The following LRRK2 variants were observed in gnomAD, a reference collection of about 807,000 sequenced individuals.
The protein encoded by LRRK2 is leucine rich repeat kinase 2.
Under a neutral mutation model 302.6 loss-of-function variants are expected in LRRK2, and 203 were observed. The observed-to-expected ratio is 0.67, with a 90% CI of 0.60 to 0.75. The LOEUF (loss-of-function observed/expected upper bound fraction) is 0.75, where lower values mean the gene tolerates loss of function less well. Ranked by LOEUF, LRRK2 falls within the 30% of genes least tolerant of loss-of-function variation. The pLI is 0.00. For missense variants in LRRK2, 2,830 were observed against 2,951.0 expected (o/e 0.96, Z 0.95); for synonymous variants, 1,066 against 1,031.9 (o/e 1.03, Z -0.63).
At chr12:40,315,330 G>A (rs760996678) in intron 33 of LRRK2, 30 bp downstream of exon 33, 6 of 1,553,602 alleles carry the variant, frequency 3.9e-6, no homozygotes, top group Admixed American at 1.7e-5. Context: ...GTGGCACGGG[G>A]GTTATGGTCA....
intron 14 of LRRK2, among the ~76,000 whole-genome samples, chr12:40,272,385 C>T (rs985159810): frequency 2.0e-5 from 3 of 152,206 alleles, no homozygotes; most frequent in Non-Finnish European, 4.4e-5. Flanking sequence ...TGTGCTTTGA[C>T]TTGTGTGCTC....
chr12:40,287,171 T>TA (rs934238934), intron 19 of LRRK2, among the ~76,000 whole-genome samples, 180 bp from the exon 20 acceptor site: 2 of 151,984 alleles, frequency 1.3e-5, no homozygotes, highest in African/African-American at 2.4e-5. Context: ...TATGTTTTTT[T>TA]AAAAAATATA....
intron 4 of LRRK2, among the ~76,000 whole-genome samples, chr12:40,236,567 A>T (rs1941476261): frequency 6.6e-6 from 1 of 152,120 alleles, no homozygotes; most frequent in Admixed American, 6.5e-5. Context: ...AAGGGCTGGG[A>T]GGAGTTTCCT....
chr12:40,295,061 T>C, intron 22 of LRRK2, 147 bp downstream of exon 22: 1 of 599,862 alleles, frequency 1.7e-6, no homozygotes, highest in Non-Finnish European at 3.0e-6. Context: ...ATTCCTTCCA[T>C]AAGCTATAGA....
chr12:40,306,065 A>T (rs1944812951), intron 28 of LRRK2, 99 bp downstream of exon 28: 1 of 903,894 alleles, frequency 1.1e-6, no homozygotes, highest in Admixed American at 2.6e-5. Flanking sequence ...TTAGGGAAAA[A>T]TAAATAGTAA....
At position 40,320,056 on chromosome 12, in the gene LRRK2, AAAATTTCTTTCAAAAAAAAGG is replaced by A; in HGVS notation, c.4904_4924del (p.Leu1635_Phe1641del). 3 of 1,611,956 alleles carry A rather than the reference AAAATTTCTTTCAAAAAAAAGG, an allele frequency of 1.9e-6. No individual in the cohort carries two copies. The highest frequency in any genetic ancestry group is 2.5e-6 in the Non-Finnish European group (3 of 1,178,814). On this transcript the variant is annotated inframe_deletion, in exon 34 of 51. Transcript: ENST00000298910. ...GCATTATTTCGCGTAGAGATGTGGA[AAAATTTCTTTCAAAAAAAAGG>A]AAATTTCCAAAGAACTACATGTCAC... is the stretch of plus-strand genomic sequence containing the variant.
At position 40,304,128 on chromosome 12, in the gene LRRK2, G is replaced by A; in HGVS notation, c.3771G>A (p.Leu1257=). The change falls in exon 27 of 51, where the codon CTG becomes CTA. Residue 1257 remains leucine, a synonymous_variant. Coordinates refer to ENST00000298910, the MANE Select transcript of LRRK2 (RefSeq NM_198578.4). Reference sequence around the variant, plus strand: ...AACTGCATCTTTCTCACAATAAACTGAAAGAGGTAAGACGATTATTGCCAC... The same window carrying A: ...AACTGCATCTTTCTCACAATAAACTAAAAGAGGTAAGACGATTATTGCCAC... ...VEKLHLSHNK[L]KEIPPEIGCL... 1 of 1,612,686 alleles carries A rather than the reference G, an allele frequency of 6.2e-7. No homozygotes were observed. The highest frequency in any genetic ancestry group is 2.2e-5 in the East Asian group (1 of 44,836).
rs528913526 is a variant in LRRK2, at chr12:40,347,331, G to A, written c.6280+408G>A. Among the ~76,000 whole-genome samples, 21 of 152,242 alleles carry A rather than the reference G, an allele frequency of 1.4e-4. 1 individual carries two copies. Among genetic ancestry groups the A allele is most frequent in the African/African-American group, 3.6e-4 (15 of 41,562 alleles). On this transcript the variant is annotated intron_variant, in intron 42 of 50. Transcript: ENST00000298910. ...ATAATAATAATTTTTCATAAGAATC[G>A]GTAAATGTGTATTTAATGTTATCAA...
intron 48 of LRRK2, 56 bp from the exon 49 acceptor site, chr12:40,364,786 T>C (rs1264563690): frequency 2.4e-6 from 3 of 1,257,008 alleles, no homozygotes; most frequent in African/African-American, 3.0e-5. Context: ...CATATGTAAA[T>C]AGCATTTATC....
In LRRK2 at chr12:40,353,086, G is replaced by A. The variant is rs533615600; in HGVS notation, c.6577-1213G>A. 9.9e-5 allele frequency among the ~76,000 whole-genome samples: 15 copies of A among 150,790 alleles called. No individual in the cohort carries two copies. In the East Asian group the frequency reaches 2.6e-3, roughly 26 times the overall value. ...CAGACGGGGCGGCGGCCGGGCGGGG[G>A]CTGCCCCCCACCTCCCGGATGGGGT... On this transcript the variant is annotated intron_variant, in intron 44 of 50. Transcript: ENST00000298910.
At chr12:40,261,747 G>A (rs1942787658) in intron 13 of LRRK2, among the ~76,000 whole-genome samples, 1 of 152,090 alleles carries the variant, frequency 6.6e-6, no homozygotes, top group African/African-American at 2.4e-5. Flanking sequence ...ATACCTAGGT[G>A]TACATGTATT....
At chr12:40,276,965 G>A (rs938884112) in intron 16 of LRRK2, among the ~76,000 whole-genome samples, 1 of 152,014 alleles carries the variant, frequency 6.6e-6, no homozygotes, top group Admixed American at 6.6e-5. Context: ...ATCCACCTCA[G>A]CCTCCTGAGT....
At chr12:40,243,156 GAA>G (rs1048558244) in intron 6 of LRRK2, among the ~76,000 whole-genome samples, 3 of 137,618 alleles carry the variant, frequency 2.2e-5, no homozygotes, top group African/African-American at 5.3e-5. Flanking sequence ...GATGTGTCTG[GAA>G]AAAAAAAAAA....
At chr12:40,352,941 C>T (rs553511809) in intron 44 of LRRK2, among the ~76,000 whole-genome samples, 22 of 152,372 alleles carry the variant, frequency 1.4e-4, no homozygotes, top group African/African-American at 2.9e-4. Context: ...AAACCGCCAA[C>T]GTCATCATGG....
chr12:40,353,733 G>A (rs1444414019), intron 44 of LRRK2, among the ~76,000 whole-genome samples: 3 of 152,246 alleles, frequency 2.0e-5, no homozygotes, highest in Non-Finnish European at 4.4e-5. Flanking sequence ...TGCAATCCCG[G>A]CACCTCGGGA....
Position 40,368,292 on chromosome 12 carries a change from T to G in LRRK2, c.*527T>G, listed in dbSNP as rs1047764136. On this transcript the variant is annotated 3_prime_UTR_variant, in exon 51 of 51. Transcript: ENST00000298910. ...GAATTTGCACTAATAAAGTCCTTTGTTGGTATGTGAATTCTCTTTGTTGCT... is the reference window on the plus strand; with the variant it reads ...GAATTTGCACTAATAAAGTCCTTTGGTGGTATGTGAATTCTCTTTGTTGCT... The G allele has an allele frequency of 6.6e-6, 1 of 152,026 alleles. No individual in the cohort carries two copies. Among genetic ancestry groups the G allele is most frequent in the Admixed American group, 6.6e-5 (1 of 15,200 alleles). 9.4% of individuals were successfully genotyped at this position (152,026 alleles called of 1,614,324 possible).
intron 25 of LRRK2, among the ~76,000 whole-genome samples, chr12:40,301,417 C>T (rs991916677): frequency 3.3e-5 from 5 of 151,968 alleles, no homozygotes; most frequent in African/African-American, 1.2e-4. Flanking sequence ...AGCAAGACTC[C>T]GTCAATCAAT....
At chr12:40,283,600 T>C (rs764927874) in intron 18 of LRRK2, among the ~76,000 whole-genome samples, 1 of 152,228 alleles carries the variant, frequency 6.6e-6, no homozygotes, top group Non-Finnish European at 1.5e-5. Context: ...ACAGAGATCT[T>C]GATGCCAAGC....
chr12:40,283,797 A>G (rs36212067), intron 18 of LRRK2, 78 bp from the exon 19 acceptor site: 37,997 of 1,270,806 alleles, frequency 0.03, 1,537 homozygotes, highest in Admixed American at 0.15. Flanking sequence ...GAAAAATCAC[A>G]TGAAGTTTGA....
Sources: gnomAD v4.1 joint callset for allele counts (sites outside exome capture counted in the v4.1 genomes callset) on GRCh38, gnomAD v4.1.1 for gene constraint, MANE v1.5 for transcripts, NCBI Gene and HGNC (gene_info 2026-07-23, HGNC 2026-07-21) for gene names.